Variants in ZDHHC24 observed in about 807,000 individuals in gnomAD.
ZDHHC24 encodes probable palmitoyltransferase ZDHHC24.
ZDHHC24 carries 17 observed loss-of-function variants against 23.2 expected under a neutral mutation model. The ratio of observed to expected loss-of-function variants is 0.73; its 90% CI spans 0.50 to 1.10. The LOEUF (loss-of-function observed/expected upper bound fraction) is 1.10, where lower values mean the gene tolerates loss of function less well. Ranked by LOEUF, ZDHHC24 falls within the 50% of genes least tolerant of loss-of-function variation. ZDHHC24 has a pLI of 0.00. For synonymous variants in ZDHHC24, 186 were observed against 194.5 expected (o/e 0.96, Z 0.36); for missense variants, 366 against 393.0 (o/e 0.93, Z 0.58).
downstream of ZDHHC24, chr11:66,532,392 C>G (rs1020979810): frequency 2.9e-5 from 8 of 276,176 alleles, no homozygotes; most frequent in Admixed American, 4.5e-5. Context: ...TGCCACGTCC[C>G]TCATGCACAT....
At chr11:66,541,235 GTACTAAAAA>G (rs1857142227) in intron 2 of ZDHHC24, among the ~76,000 whole-genome samples, 1 of 151,570 alleles carries the variant, frequency 6.6e-6, no homozygotes. Flanking sequence ...AACTCCGTCT[GTACTAAAAA>G]TACAAAAAAT....
intron 3 of ZDHHC24, chr11:66,529,190 G>A (rs1555049718): frequency 1.4e-6 from 2 of 1,463,076 alleles, no homozygotes; most frequent in Non-Finnish European, 9.0e-7. Context: ...GGACAGTGGG[G>A]TGGGGGCGGG....
At chr11:66,526,654 G>A (rs1409763800) in intron 4 of ZDHHC24, 1 of 1,614,108 alleles carries the variant, frequency 6.2e-7, no homozygotes, top group African/African-American at 1.3e-5. Context: ...CCTAGGTGGT[G>A]GCCTGATCAT....
chr11:66,536,537 A>C lies in ZDHHC24; in HGVS notation c.*2992T>G, dbSNP rs530687504. On this transcript the variant is annotated 3_prime_UTR_variant, in exon 3 of 3. Coordinates refer to ENST00000310442, the MANE Select transcript of ZDHHC24 (RefSeq NM_207340.3). ...CCAGCTTGGGCAACAGAGAGACTCC[A>C]TCTCGAAAAATAAAACAAAACACAC... 1 of 153,510 alleles carries C rather than the reference A, an allele frequency of 6.5e-6. No homozygotes were observed. The highest frequency in any genetic ancestry group is 1.5e-5 in the Non-Finnish European group (1 of 67,882). The allele number at this position is 153,510 out of a possible 1,614,324, so 9.5% of individuals were successfully genotyped here.
In ZDHHC24 at chr11:66,535,767, C is replaced by T. The variant is rs2134860179; in HGVS notation, c.*3762G>A. On this transcript the variant is annotated 3_prime_UTR_variant, in exon 3 of 3. Transcript: ENST00000310442. ...GATTCAGCTGGGTTCCATTCTACAT[C>T]TCAAGGGGTTTTTGGGGGGAATTTG... 1 of 152,268 alleles carries T rather than the reference C, an allele frequency of 6.6e-6. No individual in the cohort carries two copies. Among genetic ancestry groups the T allele is most frequent in the African/African-American group, 2.4e-5 (1 of 41,542 alleles). The allele number at this position is 152,268 out of a possible 1,614,324, so 9.4% of individuals were successfully genotyped here. A position where few individuals can be genotyped will look rare whatever the true frequency, so the allele number is the denominator to read the frequency against.
chr11:66,530,276 G>A (rs533052625), intron 2 of ZDHHC24, among the ~76,000 whole-genome samples: 2 of 152,282 alleles, frequency 1.3e-5, no homozygotes, highest in South Asian at 2.1e-4. Context: ...TATGGTACAA[G>A]GAAGAAGGCT....
At chr11:66,520,960 C>T (rs1856189968), downstream of ZDHHC24, 1 of 401,568 alleles carries the variant, frequency 2.5e-6, no homozygotes, top group Non-Finnish European at 4.7e-6. Flanking sequence ...CTCAAGCGAT[C>T]CACCCGCCTC....
At chr11:66,529,163 C>T in intron 3 of ZDHHC24, 1 of 1,420,650 alleles carries the variant, frequency 7.0e-7, no homozygotes, top group South Asian at 1.5e-5. Context: ...ACCGAGGTGC[C>T]CAGTCTGGAA....
At chr11:66,533,006 G>A, downstream of ZDHHC24, 1 of 152,252 alleles carries the variant, frequency 6.6e-6, no homozygotes, top group East Asian at 1.9e-4. Flanking sequence ...TAGCAGGAAA[G>A]GCGGGGCCTT....
intron 1 of ZDHHC24, among the ~76,000 whole-genome samples, chr11:66,544,595 T>C (rs1179487878): frequency 1.3e-5 from 2 of 152,172 alleles, no homozygotes; most frequent in Non-Finnish European, 2.9e-5. Context: ...CTGGAACACC[T>C]TTCCCTCAGA....
chr11:66,543,737 G>T lies in ZDHHC24; in HGVS notation c.526C>A (p.Leu176Ile). Reference sequence around the variant, plus strand: ...AACATGAGCCAGGGAAGCAGGAGGAGGGCAGCCATGTGGAGGGGCGTGTGG... The same window carrying T: ...AACATGAGCCAGGGAAGCAGGAGGATGGCAGCCATGTGGAGGGGCGTGTGG... ...RAHTPLHMAA[L>I]LLLPWLMLLT... is the part of the protein sequence containing the mutation. The change falls in exon 2 of 3, where the codon CTC becomes ATC. Residue 176 changes from leucine (L) to isoleucine (I), a missense_variant. Coordinates refer to ENST00000310442, the MANE Select transcript of ZDHHC24 (RefSeq NM_207340.3). 1 of 1,600,088 alleles carries T rather than the reference G, an allele frequency of 6.2e-7. No homozygotes were observed. Among genetic ancestry groups the T allele is most frequent in the East Asian group, 2.3e-5 (1 of 44,190 alleles).
downstream of ZDHHC24, among the ~76,000 whole-genome samples, chr11:66,535,159 C>T (rs1302434029): frequency 3.3e-5 from 5 of 150,250 alleles, no homozygotes; most frequent in African/African-American, 4.9e-5. Flanking sequence ...TCCCAAAGTG[C>T]TGGGATTACA....
At chr11:66,526,198 T>G (rs201274483) in intron 4 of ZDHHC24, 1 of 1,613,644 alleles carries the variant, frequency 6.2e-7, no homozygotes, top group African/African-American at 1.3e-5. Flanking sequence ...TCGAGGTGAG[T>G]GGAGTCAGAC....
intron 3 of ZDHHC24, among the ~76,000 whole-genome samples, chr11:66,528,784 C>T (rs1856625399): frequency 6.6e-6 from 1 of 152,018 alleles, no homozygotes; most frequent in Non-Finnish European, 1.5e-5. Flanking sequence ...GCCTGACCAA[C>T]ATGGTGAAAC....
chr11:66,545,411 C>G lies in ZDHHC24; in HGVS notation c.281+312G>C, dbSNP rs1334132052. ...ACTTCTTGTTTCCAAACTACTATCA[C>G]CTTCTAGCATTCTATATGATTTGCT... On this transcript the variant is annotated intron_variant, in intron 1 of 2. Coordinates refer to ENST00000310442, the MANE Select transcript of ZDHHC24 (RefSeq NM_207340.3). The surrounding 1 kb of genome is among the most constrained non-coding windows in gnomAD (Gnocchi z 4.5). 6.6e-6 allele frequency among the ~76,000 whole-genome samples: 1 copy of G among 152,166 alleles called. No individual in the cohort carries two copies. The highest frequency in any genetic ancestry group is 1.5e-5 in the Non-Finnish European group (1 of 68,040).
downstream of ZDHHC24, chr11:66,530,948 A>G (rs1856753561): frequency 3.1e-6 from 5 of 1,614,070 alleles, no homozygotes; most frequent in Middle Eastern, 1.6e-4. Flanking sequence ...GAACACCTCA[A>G]CAACCCGTCC....
chr11:66,523,299 T>G (rs1271555004), intron 4 of ZDHHC24: 1 of 1,022,304 alleles, frequency 9.8e-7, no homozygotes, highest in Non-Finnish European at 1.5e-6. Flanking sequence ...AGGCCACACA[T>G]TTACTAAGGT....
intron 2 of ZDHHC24, among the ~76,000 whole-genome samples, chr11:66,530,212 A>G (rs1856713912): frequency 6.6e-6 from 1 of 152,130 alleles, no homozygotes; most frequent in Non-Finnish European, 1.5e-5. Context: ...ATAGGCCCCC[A>G]GAATAGTCAT....
intron 2 of ZDHHC24, among the ~76,000 whole-genome samples, chr11:66,543,443 C>T (rs1287908003): frequency 6.6e-5 from 10 of 152,200 alleles, no homozygotes; most frequent in Admixed American, 5.9e-4. Flanking sequence ...TCCCGCCATG[C>T]AGAGACTCCC....
Sources: allele counts gnomAD v4.1 joint callset (sites outside exome capture counted in the v4.1 genomes callset), GRCh38; gene constraint gnomAD v4.1.1; non-coding constraint Gnocchi (gnomAD v3.1); transcripts MANE v1.5; gene names NCBI Gene and HGNC (gene_info 2026-07-23, HGNC 2026-07-21).